The following RBM47 variants were observed in gnomAD, a reference collection of about 807,000 sequenced individuals.
The protein encoded by RBM47 is RNA-binding protein 47.
In RBM47, 21 loss-of-function variants were observed where a neutral mutation model predicts 47.1. The observed-to-expected ratio is 0.45, with a 90% CI of 0.32 to 0.64. The LOEUF is 0.64. RBM47 is among the 30% of genes least tolerant of loss of function. The pLI, the probability that RBM47 is intolerant of heterozygous loss-of-function variation, is 0.05. For synonymous variants in RBM47, 375 were observed against 361.7 expected, an observed-to-expected ratio of 1.04 and a Z score of -0.42; for missense variants, 708 against 870.9, an observed-to-expected ratio of 0.81 and a Z score of 2.35.
At chr4:40,457,380 GC>G (rs2154221422) in intron 3 of RBM47, among the ~76,000 whole-genome samples, 1 of 143,052 alleles carries the variant, frequency 7.0e-6, no homozygotes, top group South Asian at 2.2e-4. Flanking sequence ...CCAAGATAGT[GC>G]CACTGCACTC....
At chr4:40,517,141 CTTCT>C (rs1725678245) in intron 2 of RBM47, among the ~76,000 whole-genome samples, 1 of 149,732 alleles carries the variant, frequency 6.7e-6, no homozygotes, top group East Asian at 2.0e-4. Context: ...TCCTTCCTTC[CTTCT>C]TTCTTTTTTC....
In RBM47 at chr4:40,495,833, C is replaced by T. The variant is rs866802325; in HGVS notation, c.-154-29134G>A. ...TTCTGAAAAGTGGTCACATTGTGCGCGCTCTCTCTCTCTCTCTTTCCTCTG... is the reference window on the plus strand; with the variant it reads ...TTCTGAAAAGTGGTCACATTGTGCGTGCTCTCTCTCTCTCTCTTTCCTCTG... On this transcript the variant is annotated intron_variant, in intron 2 of 6. Transcript: ENST00000295971. Among the ~76,000 whole-genome samples, 202 of 34,476 alleles carry T rather than the reference C, an allele frequency of 5.9e-3. No individual in the cohort carries two copies. In the African/African-American group the frequency reaches 0.067, roughly 12 times the overall value. The allele number at this position is 34,476 out of a possible 152,430, so 22.6% of individuals were successfully genotyped here.
intron 1 of RBM47, among the ~76,000 whole-genome samples, chr4:40,550,337 G>A (rs527611461): frequency 1.3e-5 from 2 of 152,312 alleles, no homozygotes; most frequent in South Asian, 2.1e-4. Context: ...AGAGATGTTA[G>A]TTCCTACATC....
chr4:40,540,193 AG>A (rs1728372437), intron 2 of RBM47, among the ~76,000 whole-genome samples: 1 of 152,186 alleles, frequency 6.6e-6, no homozygotes, highest in Admixed American at 6.6e-5. Flanking sequence ...AGAAAAATCA[AG>A]GCCCCAATCT....
At chr4:40,604,207 T>C (rs1163068684) in intron 1 of RBM47, among the ~76,000 whole-genome samples, 1 of 152,206 alleles carries the variant, frequency 6.6e-6, no homozygotes, top group South Asian at 2.1e-4. Flanking sequence ...ACACAGGACC[T>C]GGCAGAGCCA....
chr4:40,510,355 T>C (rs1272082470), intron 2 of RBM47, among the ~76,000 whole-genome samples: 1 of 152,162 alleles, frequency 6.6e-6, no homozygotes, highest in Non-Finnish European at 1.5e-5. Flanking sequence ...ATCCCTGTCC[T>C]TCTCATTTGT....
chr4:40,616,878 T>C (rs1265762564), intron 1 of RBM47, among the ~76,000 whole-genome samples: 6 of 140,900 alleles, frequency 4.3e-5, no homozygotes, highest in South Asian at 2.3e-4. Context: ...TCTTTTCTTT[T>C]TTTTTTTTTT....
chr4:40,523,806 A>G (rs1726444816), intron 2 of RBM47, among the ~76,000 whole-genome samples: 2 of 151,336 alleles, frequency 1.3e-5, no homozygotes, highest in Admixed American at 1.3e-4. Context: ...TTGAAGCGGC[A>G]GTGAGCAGTA....
intron 1 of RBM47, among the ~76,000 whole-genome samples, chr4:40,566,295 A>C (rs1731097997): frequency 6.6e-6 from 1 of 152,152 alleles, no homozygotes; most frequent in Non-Finnish European, 1.5e-5. Flanking sequence ...ACTGACCAAA[A>C]GCCCTGTATC....
rs185842919 is a variant in RBM47 at position 40,609,881 on chromosome 4, G to A, written c.-240+19515C>T. Among the ~76,000 whole-genome samples, 429 of 151,362 alleles carry A rather than the reference G, an allele frequency of 2.8e-3. 1 individual carries two copies. The highest frequency in any genetic ancestry group is 0.01 in the African/African-American group (416 of 41,300). On this transcript the variant is annotated intron_variant, in intron 1 of 6. Coordinates refer to ENST00000295971, the MANE Select transcript of RBM47 (RefSeq NM_001098634.2). ...AGGCTGAGGAGGGCAGATCACCTGAGGTCAGGAGTTCAAGACCAGCCTGAC... is the reference window on the plus strand; with the variant it reads ...AGGCTGAGGAGGGCAGATCACCTGAAGTCAGGAGTTCAAGACCAGCCTGAC...
rs548439944 is a variant in RBM47, at chr4:40,501,444, T to C, written c.-154-34745A>G. 8.5e-5 allele frequency among the ~76,000 whole-genome samples: 13 copies of C among 152,352 alleles called. No homozygotes were observed. The East Asian group carries it at 2.5e-3, about 29-fold the overall frequency. On this transcript the variant is annotated intron_variant, in intron 2 of 6. Transcript: ENST00000295971. ...TAGTCAGATGCTGAAAACAAGCATCTAGGCCAGTGCCATCCAACAGAGCTT... is the reference window on the plus strand; with the variant it reads ...TAGTCAGATGCTGAAAACAAGCATCCAGGCCAGTGCCATCCAACAGAGCTT...
intron 3 of RBM47, among the ~76,000 whole-genome samples, chr4:40,445,332 G>C (rs1362020443): frequency 1.3e-5 from 2 of 151,082 alleles, no homozygotes; most frequent in African/African-American, 4.9e-5. Context: ...CTTCCAAGCT[G>C]TTTTCCGTTT....
chr4:40,436,864 G>A (rs1402173535), intron 4 of RBM47: 2 of 684,050 alleles, frequency 2.9e-6, no homozygotes, highest in Admixed American at 2.0e-5. Flanking sequence ...CAAACTTGCA[G>A]GGTGAGTTTC....
intron 2 of RBM47, among the ~76,000 whole-genome samples, chr4:40,470,098 G>A (rs1455897770): frequency 4.6e-5 from 7 of 152,166 alleles, no homozygotes; most frequent in Non-Finnish European, 5.9e-5. Flanking sequence ...TTACTATGGA[G>A]GAAACTGTCT....
intron 2 of RBM47, among the ~76,000 whole-genome samples, chr4:40,528,103 G>A (rs1000325571): frequency 3.3e-5 from 5 of 152,146 alleles, no homozygotes; most frequent in African/African-American, 1.2e-4. Context: ...AAATGTAAGC[G>A]AAGATTACTG....
intron 2 of RBM47, among the ~76,000 whole-genome samples, chr4:40,493,429 A>G (rs143244534): frequency 3.3e-5 from 5 of 152,310 alleles, no homozygotes; most frequent in Non-Finnish European, 7.3e-5. Context: ...GCACACGGTA[A>G]GTGCTCAAAG....
At chr4:40,580,195 A>G (rs756913487) in intron 1 of RBM47, among the ~76,000 whole-genome samples, 31 of 151,854 alleles carry the variant, frequency 2.0e-4, no homozygotes, top group Non-Finnish European at 2.1e-4. Flanking sequence ...CTTCATGGAT[A>G]TTTTCTAAAT....
intron 1 of RBM47, among the ~76,000 whole-genome samples, chr4:40,562,852 T>A (rs1464837738): frequency 2.0e-5 from 3 of 152,320 alleles, no homozygotes; most frequent in Non-Finnish European, 2.9e-5. Context: ...AGGAGCTGCA[T>A]CATTTTTTAG....
intron 1 of RBM47, among the ~76,000 whole-genome samples, chr4:40,591,605 A>T (rs1734142823): frequency 6.6e-6 from 1 of 152,112 alleles, no homozygotes; most frequent in South Asian, 2.1e-4. Flanking sequence ...GGGGCAGGAG[A>T]ATTGCTTGAA....
Sources: allele counts gnomAD v4.1 joint callset (sites outside exome capture counted in the v4.1 genomes callset), GRCh38; gene constraint gnomAD v4.1.1; transcripts MANE v1.5; gene names NCBI Gene and HGNC (gene_info 2026-07-23, HGNC 2026-07-21).